Variants in MACF1 observed in about 807,000 individuals in gnomAD.
MACF1 encodes the protein microtubule-actin cross-linking factor 1.
MACF1 carries 193 observed loss-of-function variants against 854.8 expected under a neutral mutation model. That is an observed-to-expected ratio of 0.23 (90% CI 0.20 to 0.25). MACF1 has a LOEUF of 0.25. MACF1 is among the 10% of genes least tolerant of loss of function. The pLI is 1.00. For synonymous variants in MACF1, 3,185 were observed against 3,226.7 expected (o/e 0.99, Z 0.44); for missense variants, 7,722 against 8,929.1 (o/e 0.86, Z 5.45).
chr1:39,110,508 G>C (rs1642372706), intron 2 of MACF1, among the ~76,000 whole-genome samples: 1 of 152,042 alleles, frequency 6.6e-6, no homozygotes, highest in South Asian at 2.1e-4. Context: ...AAACTGCTGA[G>C]ATTACAGGCT....
chr1:39,157,498 G>A (rs1472460191), intron 2 of MACF1, among the ~76,000 whole-genome samples: 1 of 152,244 alleles, frequency 6.6e-6, no homozygotes, highest in East Asian at 1.9e-4. Context: ...TCAAATCTTG[G>A]TGGCAGTGTG....
rs758552133 is a variant in MACF1 at position 39,177,054 on chromosome 1, A to G, written c.221-54128A>G. Among the ~76,000 whole-genome samples the G allele has an allele frequency of 1.2e-3, 178 of 152,224 alleles. 7 individuals are homozygous for G. Among genetic ancestry groups the G allele is most frequent in the Admixed American group, 8.5e-4 (13 of 15,280 alleles). ...AGAATTATGTAGTATCTCTTGAGAT[A>G]GTCTAGAGATCTTAGAGCTACGTTG... On this transcript the variant is annotated intron_variant, in intron 2 of 93. Transcript: ENST00000361689.
At chr1:39,442,690 A>G in intron 77 of MACF1, 24 bp from the exon 78 acceptor site, 1 of 1,613,126 alleles carries the variant, frequency 6.2e-7, no homozygotes, top group Non-Finnish European at 8.5e-7. Flanking sequence ...ATAGAGATAA[A>G]TTATGTTGTT....
At chr1:39,108,614 G>A (rs976850702) in intron 2 of MACF1, among the ~76,000 whole-genome samples, 5 of 149,574 alleles carry the variant, frequency 3.3e-5, no homozygotes, top group East Asian at 2.0e-4. Flanking sequence ...GGTTCACGCC[G>A]GAGGAAATTA....
At chr1:39,208,136 AAAAAAAAAAAAGAAAAGAAAT>A (rs1300698677) in intron 1 of MACF1, among the ~76,000 whole-genome samples, 1 of 147,178 alleles carries the variant, frequency 6.8e-6, no homozygotes, top group Non-Finnish European at 1.5e-5. Flanking sequence ...CCGTCTCAAA[AAAAAAAAAAAAGAAAAGAAAT>A]ATAAAAGGGT....
chr1:39,358,911 C>T, intron 46 of MACF1, 38 bp downstream of exon 46: 1 of 1,566,534 alleles, frequency 6.4e-7, no homozygotes, highest in Non-Finnish European at 8.6e-7. Flanking sequence ...GTGTCAAGAC[C>T]TTGTATTCCA....
chr1:39,254,986 T>C (rs1234208326), intron 5 of MACF1, among the ~76,000 whole-genome samples: 1 of 151,502 alleles, frequency 6.6e-6, no homozygotes, highest in Non-Finnish European at 1.5e-5. Context: ...AAAATGAGCA[T>C]GAGGAGGAGT....
In MACF1 at chr1:39,332,108, G is replaced by T; in HGVS notation, c.5520G>T (p.Val1840=). The change falls in exon 37 of 101, where the codon GTG becomes GTT. Residue 1840 remains valine (V), a synonymous_variant. Coordinates refer to ENST00000564288, the MANE Select transcript of MACF1 (RefSeq NM_001394062.1). ...TAGTAGCTGCTAAGATCGCCCTTGT[G>T]ATTCTGGAGTCCCTCTGGTCATTCA... is the stretch of plus-strand genomic sequence containing the variant. ...NDLVAAKIAL[V]ILESLWSFMG... 1 of 1,614,134 alleles carries T rather than the reference G, an allele frequency of 6.2e-7. No individual in the cohort carries two copies. The highest frequency in any genetic ancestry group is 8.5e-7 in the Non-Finnish European group (1 of 1,180,016).
chr1:39,343,746 C>T (rs1478708540), intron 40 of MACF1, among the ~76,000 whole-genome samples: 2 of 152,128 alleles, frequency 1.3e-5, no homozygotes, highest in Non-Finnish European at 2.9e-5. Flanking sequence ...CCTCCTCAGG[C>T]GAAAGAATTT....
At chr1:39,388,967 C>T (rs1641916599) in intron 58 of MACF1, among the ~76,000 whole-genome samples, 1 of 148,336 alleles carries the variant, frequency 6.7e-6, no homozygotes, top group African/African-American at 2.5e-5. Context: ...CAGACTCGAC[C>T]TCATAGGCTC....
Position 39,458,385 on chromosome 1 carries a change from A to G in MACF1, c.21091A>G (p.Met7031Val), listed in dbSNP as rs1644485474. 1 of 1,613,562 alleles carries G rather than the reference A, an allele frequency of 6.2e-7. No individual in the cohort carries two copies. Among genetic ancestry groups the G allele is most frequent in the South Asian group, 1.1e-5 (1 of 91,042 alleles). The change falls in exon 90 of 101, where the codon ATG becomes GTG. Residue 7031 changes from methionine (M) to valine (V), a missense_variant. This residue lies in a region of MACF1 where 729 missense variants were observed against 900.5 expected (regional missense o/e 0.81). Coordinates refer to ENST00000564288, the MANE Select transcript of MACF1 (RefSeq NM_001394062.1). The stretch of plus-strand genomic sequence containing the variant: ...TGTTTAACAGACATTTATGGAGGAG[A>G]TGACTCGCAAACAGCCTGACGTGGA... ...IAEHQTFMEE[M>V]TRKQPDVDRV...
intron 26 of MACF1, among the ~76,000 whole-genome samples, chr1:39,312,851 A>T (rs978311175): frequency 2.6e-5 from 4 of 152,072 alleles, no homozygotes; most frequent in Admixed American, 2.6e-4. Context: ...GCAAACAAAC[A>T]TTGATATAAT....
In MACF1 at chr1:39,084,525, G is replaced by GA. The variant is rs943960800; in HGVS notation, c.220+87_220+88insA. 3 of 1,091,310 alleles carry GA rather than the reference G, an allele frequency of 2.7e-6. No individual in the cohort carries two copies. The highest frequency in any genetic ancestry group is 4.0e-6 in the Non-Finnish European group (3 of 748,604). The allele number at this position is 1,091,310 out of a possible 1,614,324, so 67.6% of individuals were successfully genotyped here. ...CAGCAGCTGTGTGGGGAGCCGAGGGGTCCTCACCAGGGCCTCTGACAAAGC... is the reference window on the plus strand; with the variant it reads ...CAGCAGCTGTGTGGGGAGCCGAGGGGATCCTCACCAGGGCCTCTGACAAAGC... On this transcript the variant is annotated intron_variant, in intron 2 of 93. Coordinates refer to the MACF1 transcript ENST00000361689. This position sits in a 1 kb window ranked among gnomAD's most constrained non-coding sequence, Gnocchi z 5.2.
intron 61 of MACF1, among the ~76,000 whole-genome samples, chr1:39,426,769 GT>G (rs144667819): frequency 8.6e-5 from 13 of 150,414 alleles, no homozygotes; most frequent in African/African-American, 2.9e-4. Context: ...TTTTTGTTTG[GT>G]TTTTTTTTGG....
At position 39,283,839 on chromosome 1, in the gene MACF1, ATTTT is replaced by A. The variant is rs1422643167; in HGVS notation, c.916-225_916-222del. On this transcript the variant is annotated intron_variant, in intron 9 of 100. Transcript: ENST00000564288. This position sits in a 1 kb window ranked among gnomAD's most constrained non-coding sequence, Gnocchi z 4.5. ...GGTAGATCATGGCTCTTTTCAGAAT[ATTTT>A]TAGTAGCTTGGTTTGTAGCCTTTCT... 1.3e-5 allele frequency among the ~76,000 whole-genome samples: 2 copies of A among 152,146 alleles called. 1 individual carries two copies. The highest frequency in any genetic ancestry group is 2.9e-5 in the Non-Finnish European group (2 of 68,026).
intron 58 of MACF1, among the ~76,000 whole-genome samples, chr1:39,405,745 G>A (rs773016525): frequency 3.3e-5 from 5 of 152,168 alleles, no homozygotes; most frequent in East Asian, 1.9e-4. Flanking sequence ...TCAATTAACC[G>A]GAAACTCATT....
chr1:39,295,450 G>T (rs1429246504), intron 19 of MACF1, among the ~76,000 whole-genome samples: 1 of 152,222 alleles, frequency 6.6e-6, no homozygotes, highest in Non-Finnish European at 1.5e-5. Context: ...ATCCTGACTT[G>T]ACTCTTGTTG....
chr1:39,379,928 G>A (rs575622348), intron 54 of MACF1, among the ~76,000 whole-genome samples: 113 of 152,270 alleles, frequency 7.4e-4, no homozygotes, highest in African/African-American at 2.3e-3. Flanking sequence ...CCCATTGAGC[G>A]TAGCATCTCA....
At chr1:39,347,548 A>G (rs562572356) in intron 41 of MACF1, among the ~76,000 whole-genome samples, 10 of 152,146 alleles carry the variant, frequency 6.6e-5, no homozygotes, top group African/African-American at 2.4e-4. Context: ...TCCCTACTTT[A>G]CTTTCTCCTT....
Sources: allele counts gnomAD v4.1 joint callset (sites outside exome capture counted in the v4.1 genomes callset), GRCh38; gene constraint gnomAD v4.1.1; regional missense constraint gnomAD v4.1.1; non-coding constraint Gnocchi (gnomAD v3.1); transcripts MANE v1.5; gene names NCBI Gene and HGNC (gene_info 2026-07-23, HGNC 2026-07-21).